The following SNRNP40 variants were observed in gnomAD, a reference collection of about 807,000 sequenced individuals.
SNRNP40 encodes the protein small nuclear ribonucleoprotein U5 subunit 40, also known as U5 small nuclear ribonucleoprotein 40 kDa protein.
Under a neutral mutation model 45.8 loss-of-function variants are expected in SNRNP40, and 21 were observed. The observed-to-expected ratio is 0.46, with a 90% confidence interval of 0.32 to 0.66. SNRNP40 has a LOEUF of 0.66. Ranked by LOEUF, SNRNP40 falls within the 30% of genes least tolerant of loss-of-function variation. The pLI is 0.03. For synonymous variants in SNRNP40, 142 were observed against 163.8 expected, an observed-to-expected ratio of 0.87 and a Z score of 1.01; for missense variants, 344 against 439.1, an observed-to-expected ratio of 0.78 and a Z score of 1.94.
chr1:31,260,212 T>A, intron 9 of SNRNP40, 91 bp from the exon 10 acceptor site: 1 of 824,098 alleles, frequency 1.2e-6, no homozygotes, highest in Non-Finnish European at 1.9e-6. Flanking sequence ...AATTCTGGTA[T>A]AAAAGAGCAA....
At chr1:31,271,268 T>A in intron 6 of SNRNP40, 111 bp downstream of exon 6, 1 of 1,099,708 alleles carries the variant, frequency 9.1e-7, no homozygotes, top group Non-Finnish European at 1.3e-6. Flanking sequence ...TTCTTGACTA[T>A]CTCACCTAAA....
chr1:31,274,601 T>C (rs1283322427), intron 5 of SNRNP40, among the ~76,000 whole-genome samples: 1 of 140,824 alleles, frequency 7.1e-6, no homozygotes, highest in Non-Finnish European at 1.5e-5. Context: ...ATTACAAACA[T>C]GAGCCACTAC....
intron 5 of SNRNP40, among the ~76,000 whole-genome samples, chr1:31,272,265 A>G: frequency 6.6e-6 from 1 of 152,346 alleles, no homozygotes; most frequent in Non-Finnish European, 1.5e-5. Flanking sequence ...ATGTATATAT[A>G]TGTACATGTA....
chr1:31,271,246 T>G (rs557086848), intron 6 of SNRNP40, 133 bp downstream of exon 6: 12 of 860,776 alleles, frequency 1.4e-5, no homozygotes, highest in Admixed American at 5.2e-5. Context: ...GATCTGAGAC[T>G]ACAGTCCTAG....
At chr1:31,284,445 C>A (rs1304349534) in intron 4 of SNRNP40, among the ~76,000 whole-genome samples, 1 of 152,156 alleles carries the variant, frequency 6.6e-6, no homozygotes, top group African/African-American at 2.4e-5. Flanking sequence ...CCACTGCACC[C>A]GGCCAAGACC....
intron 6 of SNRNP40, chr1:31,269,498 A>G (rs1645922816): frequency 1.2e-6 from 1 of 809,828 alleles, no homozygotes; most frequent in Non-Finnish European, 1.7e-6. Context: ...GTAATTTGCA[A>G]CAGAATGCAG....
intron 1 of SNRNP40, among the ~76,000 whole-genome samples, chr1:31,295,120 T>C (rs563958370): frequency 1.3e-5 from 2 of 152,134 alleles, no homozygotes; most frequent in Non-Finnish European, 2.9e-5. Context: ...ATGGGGATGG[T>C]GGCTCATGCC....
chr1:31,293,807 C>T (rs148515259), intron 1 of SNRNP40, among the ~76,000 whole-genome samples: 47 of 152,246 alleles, frequency 3.1e-4, no homozygotes, highest in African/African-American at 8.9e-4. Flanking sequence ...GTCTCAAAAT[C>T]CTGGCCTCCC....
chr1:31,264,434 CT>C lies in SNRNP40; in HGVS notation c.921-2803del, dbSNP rs527901909. On this transcript the variant is annotated intron_variant, in intron 8 of 9. Transcript: ENST00000263694. ...AGTATGAGCTCTGGAGTCAGAAAGACTGGGGTTCAAGTCTCAGTGCAGCTAT... is the reference window on the plus strand; with the variant it reads ...AGTATGAGCTCTGGAGTCAGAAAGACGGGGTTCAAGTCTCAGTGCAGCTAT... Among the ~76,000 whole-genome samples the C allele has an allele frequency of 1.3e-3, 198 of 152,264 alleles. 1 individual carries two copies. The highest frequency in any genetic ancestry group is 4.6e-3 in the African/African-American group (192 of 41,552).
Position 31,274,532 on chromosome 1 carries a change from C to T in SNRNP40, c.655-3033G>A, listed in dbSNP as rs180791578. 5.0e-4 allele frequency among the ~76,000 whole-genome samples: 76 copies of T among 151,884 alleles called. No homozygotes were observed. In the East Asian group the frequency reaches 9.9e-3, roughly 20 times the overall value. ...CTGGGATTACAGGCTTGAGTCACCG[C>T]GCCTGGCCTGGCCTATATATTTAAT... On this transcript the variant is annotated intron_variant, in intron 5 of 9. Coordinates refer to ENST00000263694, the MANE Select transcript of SNRNP40 (RefSeq NM_004814.3).
intron 4 of SNRNP40, among the ~76,000 whole-genome samples, chr1:31,285,971 T>C (rs1646054454): frequency 6.6e-6 from 1 of 152,200 alleles, no homozygotes; most frequent in Non-Finnish European, 1.5e-5. Flanking sequence ...TTAGTTAGGA[T>C]GTTCTTTTGA....
intron 4 of SNRNP40, 55 bp from the exon 5 acceptor site, chr1:31,281,551 A>G: frequency 6.5e-7 from 1 of 1,543,508 alleles, no homozygotes; most frequent in Non-Finnish European, 8.9e-7. Context: ...AAGCAATTGC[A>G]CAGTACAAAT....
chr1:31,290,211 T>A (rs1045953383), intron 3 of SNRNP40, among the ~76,000 whole-genome samples: 1 of 151,830 alleles, frequency 6.6e-6, no homozygotes, highest in Non-Finnish European at 1.5e-5. Context: ...TCTTTTTTCA[T>A]TTTTTTTGAG....
At chr1:31,274,034 A>C (rs1162705085) in intron 5 of SNRNP40, among the ~76,000 whole-genome samples, 1 of 151,934 alleles carries the variant, frequency 6.6e-6, no homozygotes, top group Non-Finnish European at 1.5e-5. Flanking sequence ...ATGGAAGTAG[A>C]GGGGCATGAA....
chr1:31,263,458 C>T, intron 8 of SNRNP40: 1 of 227,476 alleles, frequency 4.4e-6, no homozygotes, highest in South Asian at 4.5e-5. Flanking sequence ...GGATGACGGG[C>T]ATGAGCCACC....
chr1:31,265,542 T>C (rs960419269), intron 8 of SNRNP40, among the ~76,000 whole-genome samples: 3 of 152,174 alleles, frequency 2.0e-5, no homozygotes, highest in Non-Finnish European at 4.4e-5. Context: ...GTAAATATAA[T>C]TTAAAAATTT....
At chr1:31,276,895 G>A (rs999929700) in intron 5 of SNRNP40, among the ~76,000 whole-genome samples, 1 of 152,046 alleles carries the variant, frequency 6.6e-6, no homozygotes, top group Non-Finnish European at 1.5e-5. Context: ...TTAGTGGGAC[G>A]TGGTGGCGGC....
At chr1:31,267,337 TCAAA>T (rs987274319) in intron 8 of SNRNP40, among the ~76,000 whole-genome samples, 4 of 152,280 alleles carry the variant, frequency 2.6e-5, no homozygotes, top group Admixed American at 1.3e-4. Context: ...CCCAACAGAA[TCAAA>T]CAAATTGTTG....
At chr1:31,280,949 C>T (rs1646012482) in intron 5 of SNRNP40, among the ~76,000 whole-genome samples, 1 of 152,136 alleles carries the variant, frequency 6.6e-6, no homozygotes, top group South Asian at 2.1e-4. Context: ...ATATCATTAC[C>T]TTCTCTCATT....
Sources: allele counts gnomAD v4.1 joint callset (sites outside exome capture counted in the v4.1 genomes callset), GRCh38; gene constraint gnomAD v4.1.1; transcripts MANE v1.5; gene names NCBI Gene and HGNC (gene_info 2026-07-23, HGNC 2026-07-21).